GNAL: variants seen among roughly 807,000 people sequenced by gnomAD.
GNAL encodes the protein guanine nucleotide-binding protein G(olf) subunit alpha.
A neutral mutation model predicts 55.1 loss-of-function variants in GNAL; 18 were observed. The observed-to-expected ratio is 0.33, with a 90% CI of 0.23 to 0.48. The LOEUF (loss-of-function observed/expected upper bound fraction) is 0.48. Ranked by LOEUF, GNAL falls within the 20% of genes least tolerant of loss-of-function variation. GNAL has a pLI of 0.99. For synonymous variants in GNAL, 253 were observed against 237.0 expected (o/e 1.07, Z -0.62); for missense variants, 412 against 614.1 (o/e 0.67, Z 3.48).
At chr18:11,852,155 G>C in intron 5 of GNAL, 1 of 1,517,616 alleles carries the variant, frequency 6.6e-7, no homozygotes, top group South Asian at 1.3e-5. Context: ...GCCACCCTTT[G>C]AAATGCTCTC....
intron 1 of GNAL, among the ~76,000 whole-genome samples, chr18:11,710,641 T>G (rs2143359198): frequency 6.6e-6 from 1 of 152,264 alleles, no homozygotes; most frequent in Middle Eastern, 3.4e-3. Flanking sequence ...TCTCCTTTTT[T>G]TTTTTGGAGG....
intron 4 of GNAL, among the ~76,000 whole-genome samples, chr18:11,786,148 G>A (rs909286812): frequency 4.6e-5 from 7 of 152,064 alleles, no homozygotes; most frequent in Admixed American, 2.6e-4. Context: ...CTGGAATTCC[G>A]TGCACATTAG....
Position 11,873,312 on chromosome 18 carries a change from G to A in GNAL, c.1162+914G>A, listed in dbSNP as rs148460415. 1.5e-3 allele frequency among the ~76,000 whole-genome samples: 225 copies of A among 152,276 alleles called. 1 individual carries two copies. Among genetic ancestry groups the A allele is most frequent in the African/African-American group, 5.2e-3 (214 of 41,546 alleles). ...AACTTTTTTGCTCCTTATGTTCAAT[G>A]TTCTTTTCTCCCTCATGGGAGAGGC... On this transcript the variant is annotated intron_variant, in intron 10 of 11. Transcript: ENST00000334049.
intron 5 of GNAL, among the ~76,000 whole-genome samples, chr18:11,836,338 C>T (rs1446794539): frequency 1.3e-5 from 2 of 151,978 alleles, no homozygotes; most frequent in African/African-American, 4.8e-5. Context: ...CCCAGCTACT[C>T]AGGAGGCTGA....
intron 5 of GNAL, among the ~76,000 whole-genome samples, chr18:11,840,044 C>G (rs550992997): frequency 6.6e-6 from 1 of 152,274 alleles, no homozygotes; most frequent in Admixed American, 6.5e-5. Context: ...ACCAAACTCC[C>G]TTGATCACAT....
rs544940308 is a variant in GNAL at position 11,740,577 on chromosome 18, C to G, written c.377-12276C>G. Among the ~76,000 whole-genome samples the G allele has an allele frequency of 1.6e-4, 25 of 152,278 alleles. No homozygotes were observed. In the South Asian group the frequency reaches 5.0e-3, roughly 30 times the overall value. ...ATATTTTAAAAATCATGAGCTCATA[C>G]CAATTCTTGCAATTCCAGTCCATCC... On this transcript the variant is annotated intron_variant, in intron 1 of 11. Coordinates refer to ENST00000334049, the MANE Select transcript of GNAL (RefSeq NM_182978.4).
rs1416369480 is a variant in GNAL at position 11,862,433 on chromosome 18, A to G, written c.761A>G (p.Tyr254Cys). Residue 254 changes from tyrosine to cysteine, a missense_variant, in exon 6 of 12, where the codon TAC becomes TGC. Coordinates refer to ENST00000334049, the MANE Select transcript of GNAL (RefSeq NM_182978.4). ...ATCGACAGCGTCAGCTTGGTTGACT[A>G]CACACCCACAGACCAGGTATGTGGA... is the stretch of plus-strand genomic sequence containing the variant. Reference protein sequence around the residue: ...ERIDSVSLVDYTPTDQDLLRC... With the variant: ...ERIDSVSLVDCTPTDQDLLRC... 6.2e-7 allele frequency: 1 copy of G among 1,612,826 alleles called. No homozygotes were observed.
At chr18:11,801,204 G>A (rs1280548523) in intron 4 of GNAL, among the ~76,000 whole-genome samples, 6 of 152,126 alleles carry the variant, frequency 3.9e-5, no homozygotes, top group Admixed American at 6.6e-5. Context: ...CCCTGGGGGA[G>A]CTTATAGTAT....
intron 5 of GNAL, chr18:11,857,095 C>A (rs1025133043): frequency 2.0e-5 from 3 of 149,356 alleles, no homozygotes; most frequent in South Asian, 2.1e-4. Context: ...ATAAAACATA[C>A]AAAGAAAAAG....
intron 4 of GNAL, among the ~76,000 whole-genome samples, chr18:11,768,974 TATATTATATATTCTATATTATAATATAG>T (rs1354507590): frequency 2.2e-4 from 24 of 110,964 alleles, no homozygotes; most frequent in African/African-American, 1.1e-3. Context: ...ATATATTATA[TATATTATATATTCTATATTATAATATAG>T]AATATATATA....
intron 1 of GNAL, among the ~76,000 whole-genome samples, chr18:11,716,805 A>G (rs983998120): frequency 1.3e-5 from 2 of 152,184 alleles, no homozygotes; most frequent in Non-Finnish European, 2.9e-5. Flanking sequence ...CAGAGTGCCG[A>G]TTGGTGTATT....
intron 10 of GNAL, among the ~76,000 whole-genome samples, chr18:11,872,710 A>G (rs904299551): frequency 1.3e-5 from 2 of 152,324 alleles, no homozygotes; most frequent in East Asian, 3.9e-4. Context: ...GTGTGACATG[A>G]CAGGTGCCTT....
intron 1 of GNAL, among the ~76,000 whole-genome samples, chr18:11,695,978 C>G: frequency 6.6e-6 from 1 of 152,072 alleles, no homozygotes; most frequent in Non-Finnish European, 1.5e-5. Context: ...AAGGAATGTT[C>G]TCCACTCTGG....
chr18:11,762,594 A>G (rs1226453667), intron 4 of GNAL, among the ~76,000 whole-genome samples: 4 of 152,174 alleles, frequency 2.6e-5, no homozygotes, highest in Admixed American at 2.6e-4. Context: ...TAGAGAGGAC[A>G]GTGCTTCAGG....
At chr18:11,758,338 C>T (rs1207582279) in intron 4 of GNAL, among the ~76,000 whole-genome samples, 9 of 152,150 alleles carry the variant, frequency 5.9e-5, no homozygotes, top group Non-Finnish European at 1.5e-5. Context: ...TCTAGTTTTG[C>T]AATTATCCAT....
intron 4 of GNAL, among the ~76,000 whole-genome samples, chr18:11,763,882 T>C (rs770342077): frequency 2.0e-5 from 3 of 152,176 alleles, no homozygotes; most frequent in Non-Finnish European, 4.4e-5. Context: ...TGGCCTGACA[T>C]TGACTTTGTA....
At chr18:11,851,440 G>T in intron 5 of GNAL, 2 of 1,450,988 alleles carry the variant, frequency 1.4e-6, no homozygotes, top group Non-Finnish European at 1.8e-6. Flanking sequence ...GGCCGGGAGC[G>T]GACTTACCTT....
intron 1 of GNAL, among the ~76,000 whole-genome samples, chr18:11,719,317 A>G (rs1329347325): frequency 6.6e-6 from 1 of 152,080 alleles, no homozygotes; most frequent in Non-Finnish European, 1.5e-5. Flanking sequence ...TATCTTCTTT[A>G]CAAATGACAG....
At chr18:11,857,411 TGACTG>T (rs2036032929) in intron 5 of GNAL, 2 of 838,022 alleles carry the variant, frequency 2.4e-6, no homozygotes, top group African/African-American at 1.8e-5. Context: ...CAGGGAGTTT[TGACTG>T]GAGTGGAGGG....
Sources: allele counts gnomAD v4.1 joint callset (sites outside exome capture counted in the v4.1 genomes callset), GRCh38; gene constraint gnomAD v4.1.1; transcripts MANE v1.5; gene names NCBI Gene and HGNC (gene_info 2026-07-23, HGNC 2026-07-21).